Variants in ASIC2 observed in about 807,000 individuals in gnomAD.
ASIC2 encodes the protein acid sensing ion channel subunit 2.
A neutral mutation model predicts 57.3 loss-of-function variants in ASIC2; 25 were observed. The ratio of observed to expected loss-of-function variants is 0.44; its 90% CI spans 0.32 to 0.61. The LOEUF is 0.61. ASIC2 is among the 20% of genes least tolerant of loss of function. The pLI, the probability that ASIC2 is intolerant of heterozygous loss-of-function variation, is 0.06. For synonymous variants in ASIC2, 319 were observed against 307.5 expected, an observed-to-expected ratio of 1.04 and a Z score of -0.39; for missense variants, 641 against 738.1, an observed-to-expected ratio of 0.87 and a Z score of 1.52.
intron 1 of ASIC2, among the ~76,000 whole-genome samples, chr17:33,799,439 T>TTTCTTTC (rs1555562527): frequency 0.016 from 953 of 58,658 alleles, 11 homozygotes; most frequent in Non-Finnish European, 0.02. Flanking sequence ...TCTTTCTTTC[T>TTTCTTTC]TTCTTTCTTT....
At chr17:33,856,333 T>G (rs928087629) in intron 1 of ASIC2, among the ~76,000 whole-genome samples, 3 of 143,370 alleles carry the variant, frequency 2.1e-5, no homozygotes, top group Non-Finnish European at 4.6e-5. Flanking sequence ...ACAAATAACT[T>G]ACAGTGTTTG....
At chr17:34,073,302 C>T (rs1909495736) in intron 1 of ASIC2, among the ~76,000 whole-genome samples, 2 of 152,182 alleles carry the variant, frequency 1.3e-5, no homozygotes, top group Admixed American at 1.3e-4. Context: ...ACAAGTATGT[C>T]TATGTTCCAA....
chr17:33,120,121 G>A (rs1186011463), intron 1 of ASIC2, among the ~76,000 whole-genome samples: 1 of 152,208 alleles, frequency 6.6e-6, no homozygotes, highest in Admixed American at 6.5e-5. Flanking sequence ...CCCTTCTTAT[G>A]TAGGGGTTGC....
chr17:33,659,407 T>TA (rs1907178494), intron 1 of ASIC2, among the ~76,000 whole-genome samples: 1 of 152,142 alleles, frequency 6.6e-6, no homozygotes, highest in African/African-American at 2.4e-5. Context: ...GCCTCCGTGG[T>TA]ACAGCCGACC....
At chr17:33,527,677 T>C (rs1336869867) in intron 1 of ASIC2, among the ~76,000 whole-genome samples, 1 of 152,170 alleles carries the variant, frequency 6.6e-6, no homozygotes, top group Non-Finnish European at 1.5e-5. Flanking sequence ...ATGCATGGTA[T>C]CTGTGGGCTT....
chr17:33,157,596 A>T (rs1461232428), intron 1 of ASIC2, among the ~76,000 whole-genome samples: 1 of 152,184 alleles, frequency 6.6e-6, no homozygotes, highest in Non-Finnish European at 1.5e-5. Context: ...CTCACACCCC[A>T]CATCTAACCC....
intron 1 of ASIC2, among the ~76,000 whole-genome samples, chr17:33,480,538 A>G (rs900102080): frequency 6.6e-6 from 1 of 152,170 alleles, no homozygotes; most frequent in Non-Finnish European, 1.5e-5. Context: ...GAAGCCAGAA[A>G]GCAAGAAATA....
chr17:33,259,678 G>A (rs1168559912), intron 1 of ASIC2, among the ~76,000 whole-genome samples: 1 of 152,140 alleles, frequency 6.6e-6, no homozygotes, highest in East Asian at 1.9e-4. Context: ...CTCCTTGTTC[G>A]TATGATCACA....
intron 1 of ASIC2, among the ~76,000 whole-genome samples, chr17:33,121,474 C>G (rs1168747375): frequency 1.3e-5 from 2 of 152,040 alleles, no homozygotes; most frequent in Non-Finnish European, 2.9e-5. Context: ...GAAATTTCCC[C>G]TAGGGACAGT....
Position 33,935,083 on chromosome 17 carries a change from A to C in ASIC2, c.555+220895T>G, listed in dbSNP as rs59718201. Among the ~76,000 whole-genome samples, 444 of 152,348 alleles carry C rather than the reference A, an allele frequency of 2.9e-3. 5 individuals are homozygous for C. The highest frequency in any genetic ancestry group is 0.01 in the African/African-American group (428 of 41,584). On this transcript the variant is annotated intron_variant, in intron 1 of 9. Transcript: ENST00000359872. ...CTGTGAGCCCTGCCTGCAAGCCTCA[A>C]GCGCCAGCCATGCTGGCATGCTTGC...
intron 1 of ASIC2, among the ~76,000 whole-genome samples, chr17:33,752,364 T>C (rs933118925): frequency 6.9e-6 from 1 of 145,912 alleles, no homozygotes; most frequent in African/African-American, 2.5e-5. Context: ...CTCTACACTC[T>C]GAACGCTTTC....
At chr17:34,082,619 G>C (rs1394319525) in intron 1 of ASIC2, among the ~76,000 whole-genome samples, 1 of 152,074 alleles carries the variant, frequency 6.6e-6, no homozygotes, top group African/African-American at 2.4e-5. Flanking sequence ...ACCTGTCCCC[G>C]CCCCCTGGCA....
In ASIC2 at chr17:33,612,142, G is replaced by T. The variant is rs9908646; in HGVS notation, c.556-500075C>A. Among the ~76,000 whole-genome samples the T allele has an allele frequency of 7.8e-3, 1,181 of 152,170 alleles. 8 individuals are homozygous for T. The highest frequency in any genetic ancestry group is 0.024 in the African/African-American group (1,003 of 41,466). On this transcript the variant is annotated intron_variant, in intron 1 of 9. Transcript: ENST00000359872. ...TCAGGCCTTCAATGGATTAAATGAGGCCCACCCACATTGCAGAGGGCAATC... is the reference window on the plus strand; with the variant it reads ...TCAGGCCTTCAATGGATTAAATGAGTCCCACCCACATTGCAGAGGGCAATC...
chr17:33,049,337 C>T (rs1465891022), intron 3 of ASIC2, among the ~76,000 whole-genome samples: 1 of 152,190 alleles, frequency 6.6e-6, no homozygotes, highest in Non-Finnish European at 1.5e-5. Context: ...GTTTCCCTGT[C>T]TATAAGCTGG....
chr17:33,344,406 G>C (rs1243346362), intron 1 of ASIC2, among the ~76,000 whole-genome samples: 1 of 152,110 alleles, frequency 6.6e-6, no homozygotes, highest in Non-Finnish European at 1.5e-5. Context: ...CAGGGAGCGG[G>C]GCACCAGGAA....
chr17:33,437,208 A>G (rs1468360611), intron 1 of ASIC2, among the ~76,000 whole-genome samples: 1 of 151,692 alleles, frequency 6.6e-6, no homozygotes, highest in Non-Finnish European at 1.5e-5. Context: ...ATGCAGTGGC[A>G]AGATCATAGC....
At chr17:33,116,913 G>A (rs956294886) in intron 1 of ASIC2, among the ~76,000 whole-genome samples, 5 of 151,606 alleles carry the variant, frequency 3.3e-5, no homozygotes, top group African/African-American at 7.3e-5. Context: ...GCAGTGGCAC[G>A]ATCACAACTC....
intron 1 of ASIC2, among the ~76,000 whole-genome samples, chr17:33,761,612 C>T (rs928912459): frequency 6.6e-6 from 1 of 152,110 alleles, no homozygotes. Context: ...AGTGGTGGCT[C>T]ATGTGGTCCA....
chr17:33,451,143 G>A (rs1310923924), intron 1 of ASIC2, among the ~76,000 whole-genome samples: 1 of 151,106 alleles, frequency 6.6e-6, no homozygotes, highest in Non-Finnish European at 1.5e-5. Context: ...TGCAACCTCT[G>A]CCTCCTGAGA....
Sources: allele counts gnomAD v4.1 joint callset (sites outside exome capture counted in the v4.1 genomes callset), GRCh38; gene constraint gnomAD v4.1.1; transcripts MANE v1.5; gene names NCBI Gene and HGNC (gene_info 2026-07-23, HGNC 2026-07-21).